Variants in CEP63 observed in about 807,000 individuals in gnomAD.
CEP63 encodes the protein centrosomal protein 63, also known as centrosomal protein of 63 kDa.
In CEP63, 84 loss-of-function variants were observed where a neutral mutation model predicts 89.1. The ratio of observed to expected loss-of-function variants is 0.94; its 90% CI spans 0.79 to 1.13. The LOEUF is 1.13. Ranked by LOEUF, CEP63 falls within the 50% of genes most tolerant of loss-of-function variation. CEP63 has a pLI of 0.00. For synonymous variants in CEP63, 267 were observed against 272.5 expected, an observed-to-expected ratio of 0.98 and a Z score of 0.20; for missense variants, 838 against 813.3, an observed-to-expected ratio of 1.03 and a Z score of -0.37.
At chr3:134,538,538 T>TATATATATATATATATATATATAC (rs1951297918) in intron 6 of CEP63, among the ~76,000 whole-genome samples, 1 of 138,092 alleles carries the variant, frequency 7.2e-6, no homozygotes, top group African/African-American at 2.5e-5. Flanking sequence ...TGTGTGTATA[T>TATATATATATATATATATATATAC]ATATATATAT....
At position 134,583,928 on chromosome 3, in the gene CEP63, T is replaced by C. The variant is rs577530784; in HGVS notation, c.1207-3530T>C. ...GTAAGTTGGATTCCTAGGTATCTTATTCTCTTTGTAGCAATTGTGAATGGG... is the reference window on the plus strand; with the variant it reads ...GTAAGTTGGATTCCTAGGTATCTTACTCTCTTTGTAGCAATTGTGAATGGG... On this transcript the variant is annotated intron_variant, in intron 10 of 10. Transcript: ENST00000683931. Among the ~76,000 whole-genome samples the C allele has an allele frequency of 9.5e-4, 144 of 152,294 alleles. 1 individual carries two copies. The highest frequency in any genetic ancestry group is 5.9e-4 in the Non-Finnish European group (40 of 68,022).
chr3:134,695,353 T>C, the CEP63 span, among the ~76,000 whole-genome samples: 2 of 152,264 alleles, frequency 1.3e-5, no homozygotes, highest in Non-Finnish European at 2.9e-5. Flanking sequence ...TTGGAAAGAC[T>C]TGAGCATACA....
intron 3 of CEP63, among the ~76,000 whole-genome samples, chr3:134,528,553 G>GGTGT (rs71139537): frequency 9.5e-4 from 104 of 108,906 alleles, no homozygotes; most frequent in Middle Eastern, 4.8e-3. Context: ...CTTAAGGAGG[G>GGTGT]GTGTGTGTGT....
downstream of CEP63, among the ~76,000 whole-genome samples, chr3:134,592,469 G>GGTGTGTGTGTGTGTGTGTGTGTGTGT (rs34973626): frequency 5.8e-4 from 73 of 125,200 alleles, 1 homozygote; most frequent in Admixed American, 1.1e-3. Context: ...TCTGCAAACT[G>GGTGTGTGTGTGTGTGTGTGTGTGTGT]GTGTGTGTGT....
the CEP63 span, among the ~76,000 whole-genome samples, chr3:134,760,355 G>A: frequency 2.0e-5 from 3 of 152,092 alleles, no homozygotes; most frequent in South Asian, 2.1e-4. Context: ...CACCGCGCCC[G>A]GCCAGCACTT....
chr3:134,691,559 A>G, the CEP63 span, among the ~76,000 whole-genome samples: 1 of 151,140 alleles, frequency 6.6e-6, no homozygotes, highest in Non-Finnish European at 1.5e-5. Flanking sequence ...CAGAGGTTGC[A>G]GTGAGCTGAG....
downstream of CEP63, among the ~76,000 whole-genome samples, chr3:134,588,817 C>G (rs1269766724): frequency 6.6e-6 from 1 of 151,978 alleles, no homozygotes; most frequent in Non-Finnish European, 1.5e-5. Flanking sequence ...GAACCTCTGA[C>G]TAGACTTATC....
chr3:134,535,366 C>T (rs1410783586), intron 5 of CEP63: 4 of 152,206 alleles, frequency 2.6e-5, no homozygotes, highest in African/African-American at 9.7e-5. Context: ...GAGCTGGTCT[C>T]TCCCAACTCC....
At chr3:134,708,015 T>C in the CEP63 span, among the ~76,000 whole-genome samples, 1 of 152,142 alleles carries the variant, frequency 6.6e-6, no homozygotes, top group African/African-American at 2.4e-5. Flanking sequence ...AATGCACATG[T>C]GTATGCAAGG....
chr3:134,628,957 A>G, the CEP63 span, among the ~76,000 whole-genome samples: 3 of 152,288 alleles, frequency 2.0e-5, no homozygotes, highest in African/African-American at 7.2e-5. Context: ...CCTAAAGAGG[A>G]CTTGAGCCTC....
At chr3:134,740,441 G>A in the CEP63 span, among the ~76,000 whole-genome samples, 1 of 152,038 alleles carries the variant, frequency 6.6e-6, no homozygotes, top group Non-Finnish European at 1.5e-5. Flanking sequence ...GGGACTACAG[G>A]CACCCATTAC....
At position 134,559,152 on chromosome 3, in the gene CEP63, C is replaced by T. The variant is rs533221755; in HGVS notation, c.1676C>T (p.Pro559Leu). 1.1e-5 allele frequency: 18 copies of T among 1,613,872 alleles called. No homozygotes were observed. Among genetic ancestry groups the T allele is most frequent in the African/African-American group, 2.7e-5 (2 of 75,020 alleles). ...TTEFKNTEFK[P>L]THGQHRHDGI... ...TTGTTTTCTAATCTACCATCCAGGCCAACCCATGGCCAGCACAGACATGAT... is the reference window on the plus strand; with the variant it reads ...TTGTTTTCTAATCTACCATCCAGGCTAACCCATGGCCAGCACAGACATGAT... Residue 559 changes from proline to leucine, a missense_variant and splice_region_variant, in exon 14 of 15, where the codon CCA (proline) becomes CTA (leucine). Pro to Leu is a moderately conservative substitution (Grantham distance 98, BLOSUM62 -3). Coordinates refer to ENST00000675561, the MANE Select transcript of CEP63 (RefSeq NM_001353108.3).
chr3:134,727,290 A>G, the CEP63 span, among the ~76,000 whole-genome samples: 8 of 152,210 alleles, frequency 5.3e-5, no homozygotes. Context: ...TTTAATGAAG[A>G]TGAATTAAGA....
At chr3:134,538,533 G>GTATGTATA (rs1951280260) in intron 6 of CEP63, among the ~76,000 whole-genome samples, 1 of 101,372 alleles carries the variant, frequency 9.9e-6, no homozygotes, top group Non-Finnish European at 2.1e-5. Flanking sequence ...GTGTGTGTGT[G>GTATGTATA]TATATATATA....
rs886562946 is a variant in CEP63 at position 134,561,656 on chromosome 3, A to C, written c.*121A>C. On this transcript the variant is annotated 3_prime_UTR_variant, in exon 15 of 15. Transcript: ENST00000675561. ...ATTATAAAAATGATACATCTAAAGC[A>C]GTGGTGAAGAAAGCTGAAAAACTGA... 16 of 1,498,600 alleles carry C rather than the reference A, an allele frequency of 1.1e-5. No individual in the cohort carries two copies. The African/African-American group carries it at 2.3e-4, about 21-fold the overall frequency. 92.8% of individuals were successfully genotyped at this position (1,498,600 alleles called of 1,614,324 possible).
the CEP63 span, chr3:134,603,824 GCTCATTGTC>G: frequency 6.2e-7 from 1 of 1,613,986 alleles, no homozygotes; most frequent in Middle Eastern, 1.6e-4. Flanking sequence ...GGTTCCAGCA[GCTCATTGTC>G]CTGTCCCCAG....
the CEP63 span, among the ~76,000 whole-genome samples, chr3:134,643,946 C>T: frequency 8.5e-5 from 13 of 152,180 alleles, no homozygotes; most frequent in East Asian, 2.5e-3. Context: ...CCTGCCTCCA[C>T]CTCCGGAGCA....
intron 3 of CEP63, among the ~76,000 whole-genome samples, chr3:134,531,266 G>C (rs1949795222): frequency 6.6e-6 from 1 of 152,098 alleles, no homozygotes; most frequent in Non-Finnish European, 1.5e-5. Flanking sequence ...TGATGAAAAG[G>C]GTTGAGTAGG....
Position 134,558,306 on chromosome 3 carries a change from A to C in CEP63, c.1632A>C (p.Pro544=), listed in dbSNP as rs368470011. 5.8e-5 allele frequency: 93 copies of C among 1,613,852 alleles called. No homozygotes were observed. The African/African-American group carries it at 1.1e-3, about 19-fold the overall frequency. The stretch of plus-strand genomic sequence containing the variant: ...AACAAAATGACAGGATCTTTAAACC[A>C]ACACACAGCAGAACAACTGAGTTCA... ...CKKQNDRIFK[P]THSRTTEFKN... is the part of the protein sequence containing the mutation. Residue 544 remains proline (P), a synonymous_variant, in exon 13 of 15, where the codon CCA becomes CCC. Transcript: ENST00000675561.
Sources: allele counts gnomAD v4.1 joint callset (sites outside exome capture counted in the v4.1 genomes callset), GRCh38; gene constraint gnomAD v4.1.1; transcripts MANE v1.5; gene names NCBI Gene and HGNC (gene_info 2026-07-23, HGNC 2026-07-21).